Variants in EDN1 observed in about 807,000 individuals in gnomAD.
EDN1 encodes endothelin 1.
In EDN1, 11 loss-of-function variants were observed where a neutral mutation model predicts 21.7. That is an observed-to-expected ratio of 0.51 (90% CI 0.32 to 0.84). The LOEUF (loss-of-function observed/expected upper bound fraction) is 0.84, where lower values mean the gene tolerates loss of function less well. Among genes scored for constraint, EDN1 ranks in the 40% least tolerant of loss-of-function variants. The pLI is 0.03. For missense variants in EDN1, 244 were observed against 262.3 expected (o/e 0.93, Z 0.48); for synonymous variants, 85 against 90.6 (o/e 0.94, Z 0.35).
At chr6:12,259,206 A>T in the EDN1 span, among the ~76,000 whole-genome samples, 1 of 151,994 alleles carries the variant, frequency 6.6e-6, no homozygotes, top group Non-Finnish European at 1.5e-5. Flanking sequence ...AATAGAAATG[A>T]AGTATAATTC....
At chr6:12,262,923 C>T in the EDN1 span, among the ~76,000 whole-genome samples, 1 of 151,520 alleles carries the variant, frequency 6.6e-6, no homozygotes, top group Admixed American at 6.6e-5. Context: ...GTTTTACTCT[C>T]CCAGTTCTCC....
chr6:12,258,475 A>T, the EDN1 span, among the ~76,000 whole-genome samples: 21,366 of 145,108 alleles, frequency 0.15, 1,805 homozygotes, highest in South Asian at 0.28. Flanking sequence ...AAAAAAAGCC[A>T]ATTACATTCA....
chr6:12,243,311 G>A, the EDN1 span, among the ~76,000 whole-genome samples: 3 of 148,264 alleles, frequency 2.0e-5, no homozygotes, highest in Non-Finnish European at 3.0e-5. Flanking sequence ...AGGAGAGGAG[G>A]AGGAGGAGGA....
upstream of EDN1, among the ~76,000 whole-genome samples, chr6:12,288,978 T>A (rs999028957): frequency 3.9e-5 from 6 of 152,184 alleles, no homozygotes; most frequent in Non-Finnish European, 7.3e-5. Flanking sequence ...TGGGCCACTG[T>A]GAGCGCTTTG....
chr6:12,282,592 C>T, the EDN1 span, among the ~76,000 whole-genome samples: 1 of 152,078 alleles, frequency 6.6e-6, no homozygotes, highest in Admixed American at 6.5e-5. Flanking sequence ...CCTCCTCCTC[C>T]TTCTTCCTCT....
At chr6:12,249,630 C>A in the EDN1 span, among the ~76,000 whole-genome samples, 1 of 151,314 alleles carries the variant, frequency 6.6e-6, no homozygotes, top group South Asian at 2.1e-4. Flanking sequence ...TCACCTGGGG[C>A]AAACAAGTGC....
chr6:12,256,474 C>T, the EDN1 span, among the ~76,000 whole-genome samples: 1 of 152,172 alleles, frequency 6.6e-6, no homozygotes, highest in Non-Finnish European at 1.5e-5. Flanking sequence ...CTCTACCCTC[C>T]ACAGTGAGCC....
upstream of EDN1, among the ~76,000 whole-genome samples, chr6:12,285,806 G>A (rs1223984254): frequency 6.6e-6 from 1 of 152,254 alleles, no homozygotes; most frequent in Non-Finnish European, 1.5e-5. Flanking sequence ...CTGACCTCAG[G>A]TGATCCACTT....
the EDN1 span, among the ~76,000 whole-genome samples, chr6:12,249,634 C>G: frequency 6.6e-6 from 1 of 151,446 alleles, no homozygotes; most frequent in African/African-American, 2.4e-5. Flanking sequence ...CTGGGGCAAA[C>G]AAGTGCTATA....
the EDN1 span, among the ~76,000 whole-genome samples, chr6:12,253,534 A>G: frequency 3.3e-5 from 5 of 152,208 alleles, no homozygotes; most frequent in African/African-American, 9.6e-5. Context: ...TGAAAAAGGG[A>G]TAAATATTTT....
At chr6:12,250,638 A>G in the EDN1 span, among the ~76,000 whole-genome samples, 1 of 152,210 alleles carries the variant, frequency 6.6e-6, no homozygotes, top group East Asian at 1.9e-4. Flanking sequence ...ACTTGTTTAT[A>G]AAGGAAAAAA....
the EDN1 span, among the ~76,000 whole-genome samples, chr6:12,284,737 AAGGAAGGAAGG>A: frequency 1.9e-3 from 260 of 137,022 alleles, no homozygotes; most frequent in African/African-American, 4.1e-3. Context: ...GGAAGGAAGG[AAGGAAGGAAGG>A]AAGAAAGAAA....
chr6:12,288,157 A>G (rs1581880790), upstream of EDN1, among the ~76,000 whole-genome samples: 1 of 151,840 alleles, frequency 6.6e-6, no homozygotes, highest in Non-Finnish European at 1.5e-5. Flanking sequence ...TGGGGAGGGC[A>G]TGGGCGGTGG....
chr6:12,260,367 C>A, the EDN1 span, among the ~76,000 whole-genome samples: 1 of 152,152 alleles, frequency 6.6e-6, no homozygotes, highest in Non-Finnish European at 1.5e-5. Flanking sequence ...GAAAATCAAG[C>A]TTCTTGCCTT....
chr6:12,290,655 C>G lies in EDN1; in HGVS notation c.26C>G (p.Ser9Cys), dbSNP rs1459410291. MDYLLMIFSLLFVACQGAP... is the reference protein window; with the variant it reads MDYLLMIFCLLFVACQGAP... ...ATGGATTATTTGCTCATGATTTTCT[C>G]TCTGCTGTTTGTGGCTTGCCAAGGA... The change falls in exon 1 of 5, where the codon TCT becomes TGT. Residue 9 changes from serine to cysteine, a missense_variant. Coordinates refer to ENST00000379375, the MANE Select transcript of EDN1 (RefSeq NM_001955.5). The G allele has an allele frequency of 2.5e-6, 4 of 1,614,062 alleles. No individual in the cohort carries two copies. Among genetic ancestry groups the G allele is most frequent in the African/African-American group, 1.3e-5 (1 of 74,920 alleles).
At chr6:12,252,341 A>C in the EDN1 span, among the ~76,000 whole-genome samples, 2 of 152,304 alleles carry the variant, frequency 1.3e-5, no homozygotes, top group Non-Finnish European at 2.9e-5. Context: ...AAAGAACAAA[A>C]CTGAGGTTTT....
the EDN1 span, among the ~76,000 whole-genome samples, chr6:12,268,324 G>A: frequency 6.6e-6 from 1 of 152,150 alleles, no homozygotes; most frequent in African/African-American, 2.4e-5. Flanking sequence ...TCTAGATGCA[G>A]AATAATCCCA....
At chr6:12,260,633 C>T in the EDN1 span, among the ~76,000 whole-genome samples, 1 of 152,122 alleles carries the variant, frequency 6.6e-6, no homozygotes, top group East Asian at 1.9e-4. Flanking sequence ...AAATATTGTT[C>T]CCTGCGAAAC....
the EDN1 span, among the ~76,000 whole-genome samples, chr6:12,247,688 G>A: frequency 2.0e-5 from 3 of 151,426 alleles, no homozygotes; most frequent in Non-Finnish European, 2.9e-5. Flanking sequence ...ACAGACATGC[G>A]CCACCACGCC....
Sources: gnomAD v4.1 joint callset for allele counts (sites outside exome capture counted in the v4.1 genomes callset) on GRCh38, gnomAD v4.1.1 for gene constraint, MANE v1.5 for transcripts, NCBI Gene and HGNC (gene_info 2026-07-23, HGNC 2026-07-21) for gene names.